The following ANKS1B variants were observed in gnomAD, a reference collection of about 807,000 sequenced individuals.
ANKS1B encodes the protein ankyrin repeat and sterile alpha motif domain containing 1B.
ANKS1B carries 36 observed loss-of-function variants against 148.3 expected under a neutral mutation model. The observed-to-expected ratio is 0.24, with a 90% CI of 0.19 to 0.32. The LOEUF (loss-of-function observed/expected upper bound fraction) is 0.32, where lower values mean the gene tolerates loss of function less well. Ranked by LOEUF, ANKS1B falls within the 10% of genes least tolerant of loss-of-function variation. The pLI is 1.00. For missense variants in ANKS1B, 1,157 were observed against 1,542.6 expected (o/e 0.75, Z 4.19); for synonymous variants, 542 against 560.8 (o/e 0.97, Z 0.47).
At chr12:99,923,224 T>G (rs189598389) in intron 1 of ANKS1B, among the ~76,000 whole-genome samples, 2 of 152,166 alleles carry the variant, frequency 1.3e-5, no homozygotes, top group African/African-American at 4.8e-5. Context: ...GAAACAGACA[T>G]GTAATCCATA....
chr12:99,423,021 G>A (rs1004904851), intron 11 of ANKS1B, among the ~76,000 whole-genome samples: 1 of 152,142 alleles, frequency 6.6e-6, no homozygotes, highest in Non-Finnish European at 1.5e-5. Context: ...GTAATTCCTT[G>A]TTGATGACTT....
chr12:99,725,778 A>C (rs867197318), intron 8 of ANKS1B, among the ~76,000 whole-genome samples: 42 of 152,212 alleles, frequency 2.8e-4, no homozygotes, highest in African/African-American at 9.9e-4. Context: ...TAAATGCAAA[A>C]TAACTGAAAT....
intron 10 of ANKS1B, among the ~76,000 whole-genome samples, chr12:99,480,956 T>G: frequency 6.6e-6 from 1 of 151,766 alleles, no homozygotes; most frequent in East Asian, 1.9e-4. Flanking sequence ...TATTTTGTGT[T>G]GGATATTTAA....
chr12:98,874,333 GC>G (rs2099681595), intron 17 of ANKS1B, among the ~76,000 whole-genome samples: 1 of 152,144 alleles, frequency 6.6e-6, no homozygotes, highest in Non-Finnish European at 1.5e-5. Flanking sequence ...AAATTTGATT[GC>G]TTTTCTGATG....
chr12:99,573,211 A>T (rs2097480278), intron 9 of ANKS1B, among the ~76,000 whole-genome samples: 1 of 152,058 alleles, frequency 6.6e-6, no homozygotes, highest in Non-Finnish European at 1.5e-5. Flanking sequence ...TTTGTTCCTT[A>T]ATTTATTGAT....
chr12:98,781,323 C>A, intron 23 of ANKS1B, 120 bp from the exon 24 acceptor site: 1 of 686,606 alleles, frequency 1.5e-6, no homozygotes, highest in South Asian at 1.5e-5. Context: ...AACACACACA[C>A]ACACACACAC....
intron 13 of ANKS1B, among the ~76,000 whole-genome samples, chr12:99,245,472 G>C (rs2090091611): frequency 6.6e-6 from 1 of 152,132 alleles, no homozygotes; most frequent in Admixed American, 6.5e-5. Flanking sequence ...AGGACAATGG[G>C]CATTACTTAA....
Position 99,207,478 on chromosome 12 carries a change from A to G in ANKS1B, c.2419+36864T>C, listed in dbSNP as rs943687828. ...GTATACACTTTGATATCTTGTTTTTATATCATATAGAAGAGCTCAACATAT... is the reference window on the plus strand; with the variant it reads ...GTATACACTTTGATATCTTGTTTTTGTATCATATAGAAGAGCTCAACATAT... On this transcript the variant is annotated intron_variant, in intron 14 of 26. Coordinates refer to ENST00000683438, the MANE Select transcript of ANKS1B (RefSeq NM_001352186.2). Among the ~76,000 whole-genome samples, 3 of 152,138 alleles carry G rather than the reference A, an allele frequency of 2.0e-5. No individual in the cohort carries two copies. In the South Asian group the frequency reaches 6.2e-4, roughly 31 times the overall value.
At chr12:99,386,036 A>T (rs1351952370) in intron 12 of ANKS1B, among the ~76,000 whole-genome samples, 6 of 152,110 alleles carry the variant, frequency 3.9e-5, no homozygotes, top group Non-Finnish European at 8.8e-5. Flanking sequence ...TCCATAGTCA[A>T]CTCCTGATTA....
chr12:98,881,541 C>T (rs1015809691), intron 17 of ANKS1B, among the ~76,000 whole-genome samples: 2 of 152,012 alleles, frequency 1.3e-5, no homozygotes, highest in African/African-American at 4.8e-5. Flanking sequence ...GTTATTCTTT[C>T]TGCTGTCATC....
At chr12:99,970,142 T>C (rs2095541165) in intron 1 of ANKS1B, among the ~76,000 whole-genome samples, 1 of 151,494 alleles carries the variant, frequency 6.6e-6, no homozygotes, top group Non-Finnish European at 1.5e-5. Flanking sequence ...TTCTAGGGGG[T>C]TGTAAAATGC....
intron 9 of ANKS1B, among the ~76,000 whole-genome samples, chr12:99,591,927 G>T (rs557952095): frequency 6.6e-6 from 1 of 152,168 alleles, no homozygotes; most frequent in East Asian, 1.9e-4. Flanking sequence ...GCTGTTGCTG[G>T]TATCTAAAAT....
chr12:98,977,600 C>T (rs1350828579), intron 17 of ANKS1B, among the ~76,000 whole-genome samples: 4 of 152,026 alleles, frequency 2.6e-5, no homozygotes, highest in Non-Finnish European at 1.5e-5. Flanking sequence ...AGAGACTGGC[C>T]TATAATTAGA....
chr12:99,589,452 G>A (rs531503768), intron 9 of ANKS1B, among the ~76,000 whole-genome samples: 2 of 151,744 alleles, frequency 1.3e-5, no homozygotes, highest in Admixed American at 6.6e-5. Flanking sequence ...CTCCTTAATC[G>A]TCTCTACTTC....
intron 12 of ANKS1B, among the ~76,000 whole-genome samples, chr12:99,323,172 T>C (rs1424857017): frequency 6.6e-6 from 1 of 152,232 alleles, no homozygotes; most frequent in East Asian, 1.9e-4. Flanking sequence ...TGATATATCC[T>C]CTTTTAACTT....
At chr12:99,735,465 CAG>C (rs1419599043) in intron 8 of ANKS1B, among the ~76,000 whole-genome samples, 1 of 152,004 alleles carries the variant, frequency 6.6e-6, no homozygotes, top group Non-Finnish European at 1.5e-5. Context: ...AAAATATCAT[CAG>C]AGACTATTAT....
chr12:99,796,708 A>T (rs2066297377), intron 4 of ANKS1B, among the ~76,000 whole-genome samples: 1 of 151,972 alleles, frequency 6.6e-6, no homozygotes, highest in Admixed American at 6.6e-5. Context: ...GTGTTTTATT[A>T]AACTATAAAG....
At chr12:99,545,274 G>T (rs748339165) in intron 9 of ANKS1B, among the ~76,000 whole-genome samples, 3 of 152,054 alleles carry the variant, frequency 2.0e-5, no homozygotes, top group Non-Finnish European at 4.4e-5. Flanking sequence ...GATGGAGTAT[G>T]GCAAATGTAT....
chr12:99,513,663 CATT>C (rs964539933), intron 9 of ANKS1B, among the ~76,000 whole-genome samples: 2 of 151,988 alleles, frequency 1.3e-5, no homozygotes, highest in African/African-American at 4.8e-5. Context: ...CTTTCTCTGT[CATT>C]CCCAATAAAT....
Sources: gnomAD v4.1 joint callset for allele counts (sites outside exome capture counted in the v4.1 genomes callset) on GRCh38, gnomAD v4.1.1 for gene constraint, MANE v1.5 for transcripts, NCBI Gene and HGNC (gene_info 2026-07-23, HGNC 2026-07-21) for gene names.